The following ADGRL3 variants were observed in gnomAD, a reference collection of about 807,000 sequenced individuals.
The protein encoded by ADGRL3 is adhesion G protein-coupled receptor L3.
In ADGRL3, 62 loss-of-function variants were observed where a neutral mutation model predicts 153.5. That is an observed-to-expected ratio of 0.40 (90% CI 0.33 to 0.50). The LOEUF is 0.50. Ranked by LOEUF, ADGRL3 falls within the 20% of genes least tolerant of loss-of-function variation. ADGRL3 has a pLI of 0.47. For synonymous variants in ADGRL3, 710 were observed against 672.5 expected, an observed-to-expected ratio of 1.06 and a Z score of -0.86; for missense variants, 1,641 against 1,859.4, an observed-to-expected ratio of 0.88 and a Z score of 2.16.
At position 61,801,631 on chromosome 4, in the gene ADGRL3, A is replaced by T. The variant is rs115292658; in HGVS notation, c.1400-12178A>T. Among the ~76,000 whole-genome samples, 816 of 152,226 alleles carry T rather than the reference A, an allele frequency of 5.4e-3. 2 individuals carry two copies. The highest frequency in any genetic ancestry group is 0.018 in the African/African-American group (750 of 41,558). ...AATACAAAAAGAAAAAAAATGAAGG[A>T]TATGTGAAGCCTCGTGGTATAAGGC... is the stretch of plus-strand genomic sequence containing the variant. On this transcript the variant is annotated intron_variant, in intron 8 of 26. Transcript: ENST00000683033.
At chr4:61,734,594 A>T (rs776751872) in intron 8 of ADGRL3, among the ~76,000 whole-genome samples, 33 of 152,170 alleles carry the variant, frequency 2.2e-4, no homozygotes, top group Non-Finnish European at 3.8e-4. Context: ...GACTGCCCCC[A>T]TGATCCAATC....
intron 17 of ADGRL3, among the ~76,000 whole-genome samples, chr4:61,955,877 T>A (rs2098964236): frequency 6.6e-6 from 1 of 152,212 alleles, no homozygotes; most frequent in Non-Finnish European, 1.5e-5. Context: ...CATTCCTTTT[T>A]ATGGCTGCAT....
At chr4:61,879,683 A>G (rs948416738) in intron 9 of ADGRL3, among the ~76,000 whole-genome samples, 2 of 152,038 alleles carry the variant, frequency 1.3e-5, no homozygotes, top group Middle Eastern at 3.2e-3. Flanking sequence ...AGAAAGCAAA[A>G]TTGGGAGGTC....
At chr4:61,381,217 A>T (rs982619998) in intron 1 of ADGRL3, among the ~76,000 whole-genome samples, 2 of 151,964 alleles carry the variant, frequency 1.3e-5, no homozygotes, top group African/African-American at 4.8e-5. Flanking sequence ...AAATTGAAAG[A>T]CACATATAAT....
chr4:61,521,782 A>G (rs2098532629), intron 4 of ADGRL3, among the ~76,000 whole-genome samples: 1 of 152,138 alleles, frequency 6.6e-6, no homozygotes, highest in African/African-American at 2.4e-5. Context: ...GAGGAGATGG[A>G]GAATGTAGGC....
chr4:61,936,573 A>T (rs1381174279), intron 15 of ADGRL3, among the ~76,000 whole-genome samples: 26 of 152,266 alleles, frequency 1.7e-4, no homozygotes, highest in African/African-American at 6.3e-4. Flanking sequence ...GAAAATAATT[A>T]AAATTCAATA....
chr4:61,933,065 AATT>A (rs1330566356), intron 13 of ADGRL3, among the ~76,000 whole-genome samples: 2 of 151,954 alleles, frequency 1.3e-5, no homozygotes, highest in Admixed American at 6.6e-5. Context: ...GATTTTAATT[AATT>A]ATTATAAGAT....
chr4:61,708,350 T>TG (rs1209632149), intron 6 of ADGRL3, among the ~76,000 whole-genome samples: 1 of 152,048 alleles, frequency 6.6e-6, no homozygotes, highest in East Asian at 1.9e-4. Flanking sequence ...CGTTTTTTGG[T>TG]TTTTGTGTTT....
At chr4:62,004,269 T>C (rs1256825458) in intron 21 of ADGRL3, among the ~76,000 whole-genome samples, 8 of 151,980 alleles carry the variant, frequency 5.3e-5, no homozygotes, top group Admixed American at 2.6e-4. Context: ...ATAATAAATA[T>C]ATATAGCCTA....
At chr4:61,636,044 C>A (rs1254589449) in intron 5 of ADGRL3, among the ~76,000 whole-genome samples, 1 of 152,072 alleles carries the variant, frequency 6.6e-6, no homozygotes, top group Admixed American at 6.6e-5. Context: ...AGAGTTAGGA[C>A]TTCAACATAT....
At chr4:61,997,543 A>G (rs2099125990) in intron 20 of ADGRL3, among the ~76,000 whole-genome samples, 1 of 152,038 alleles carries the variant, frequency 6.6e-6, no homozygotes, top group Non-Finnish European at 1.5e-5. Flanking sequence ...TGGTTTTTTT[A>G]TACAGTTTAC....
intron 25 of ADGRL3, among the ~76,000 whole-genome samples, chr4:62,060,020 A>G (rs1739208312): frequency 6.6e-6 from 1 of 152,094 alleles, no homozygotes; most frequent in Admixed American, 6.6e-5. Flanking sequence ...GAATTCCAAT[A>G]TGAAACTCCT....
At chr4:61,645,227 G>A (rs2093914345) in intron 5 of ADGRL3, among the ~76,000 whole-genome samples, 1 of 152,116 alleles carries the variant, frequency 6.6e-6, no homozygotes, top group Non-Finnish European at 1.5e-5. Flanking sequence ...GATGGGTCTT[G>A]GCTCTTTATC....
intron 4 of ADGRL3, among the ~76,000 whole-genome samples, chr4:61,566,767 A>G (rs2098817946): frequency 6.6e-6 from 1 of 152,146 alleles, no homozygotes; most frequent in Non-Finnish European, 1.5e-5. Context: ...TAAAATTTGT[A>G]CACATTTACT....
chr4:61,564,865 G>A (rs1393327062), intron 4 of ADGRL3, among the ~76,000 whole-genome samples: 1 of 152,204 alleles, frequency 6.6e-6, no homozygotes, highest in Admixed American at 6.5e-5. Context: ...GAAGAGAGGA[G>A]ATGGGAAAAT....
At chr4:62,063,465 T>C (rs1659457606) in intron 25 of ADGRL3, 6 of 230,918 alleles carry the variant, frequency 2.6e-5, no homozygotes, top group South Asian at 1.2e-4. Flanking sequence ...CTGATTGACC[T>C]TTTTTTTTTT....
chr4:61,415,352 G>A (rs182243162), intron 2 of ADGRL3, among the ~76,000 whole-genome samples: 1 of 152,030 alleles, frequency 6.6e-6, no homozygotes, highest in East Asian at 1.9e-4. Flanking sequence ...TTTATTTTAG[G>A]AGGATTTGTT....
intron 2 of ADGRL3, among the ~76,000 whole-genome samples, chr4:61,493,297 G>C (rs558476155): frequency 5.4e-4 from 82 of 152,046 alleles, no homozygotes; most frequent in African/African-American, 2.0e-3. Flanking sequence ...TATAAATTCC[G>C]TTTCCCACCT....
At chr4:61,946,214 C>A (rs1023806034) in intron 15 of ADGRL3, among the ~76,000 whole-genome samples, 3 of 152,116 alleles carry the variant, frequency 2.0e-5, no homozygotes, top group African/African-American at 4.8e-5. Context: ...TCTTCCACAT[C>A]CTTATCAACA....
Sources: gnomAD v4.1 joint callset for allele counts (sites outside exome capture counted in the v4.1 genomes callset) on GRCh38, gnomAD v4.1.1 for gene constraint, MANE v1.5 for transcripts, NCBI Gene and HGNC (gene_info 2026-07-23, HGNC 2026-07-21) for gene names.